The following PDE4D variants were observed in gnomAD, a reference collection of about 807,000 sequenced individuals.
PDE4D encodes the protein phosphodiesterase 4D.
Under a neutral mutation model 87.4 loss-of-function variants are expected in PDE4D, and 24 were observed. That is an observed-to-expected ratio of 0.27 (90% CI 0.20 to 0.39). The LOEUF (loss-of-function observed/expected upper bound fraction) is 0.39. Ranked by LOEUF, PDE4D falls within the 10% of genes least tolerant of loss-of-function variation. The pLI, the probability that PDE4D is intolerant of heterozygous loss-of-function variation, is 1.00. For missense variants in PDE4D, 714 were observed against 1,041.0 expected, an observed-to-expected ratio of 0.69 and a Z score of 4.32; for synonymous variants, 384 against 383.2, an observed-to-expected ratio of 1.00 and a Z score of -0.02.
chr5:59,513,621 T>C (rs1810640692), intron 1 of PDE4D, among the ~76,000 whole-genome samples: 2 of 152,238 alleles, frequency 1.3e-5, no homozygotes, highest in East Asian at 1.9e-4. Context: ...TGTACCCTAA[T>C]ATCTACGTAG....
chr5:60,363,953 A>G (rs1204174977), intron 1 of PDE4D, among the ~76,000 whole-genome samples: 1 of 152,210 alleles, frequency 6.6e-6, no homozygotes, highest in Non-Finnish European at 1.5e-5. Flanking sequence ...ATAAAATCCA[A>G]GATCTTTACC....
intron 1 of PDE4D, among the ~76,000 whole-genome samples, chr5:59,557,633 T>C (rs913915046): frequency 1.3e-5 from 2 of 152,218 alleles, no homozygotes; most frequent in Non-Finnish European, 2.9e-5. Context: ...ATATAAGCAG[T>C]TCACACTAAC....
At chr5:59,234,899 G>T (rs1451104060) in intron 1 of PDE4D, among the ~76,000 whole-genome samples, 1 of 151,352 alleles carries the variant, frequency 6.6e-6, no homozygotes, top group Non-Finnish European at 1.5e-5. Context: ...CTCAAATCGA[G>T]TTTTTTTTTA....
At chr5:59,355,650 G>T (rs1449545831) in intron 1 of PDE4D, among the ~76,000 whole-genome samples, 1 of 151,864 alleles carries the variant, frequency 6.6e-6, no homozygotes, top group African/African-American at 2.4e-5. Context: ...AAAATAAATG[G>T]AGTTAATACC....
intron 1 of PDE4D, among the ~76,000 whole-genome samples, chr5:60,213,350 A>G (rs1743470852): frequency 6.6e-6 from 1 of 152,150 alleles, no homozygotes; most frequent in African/African-American, 2.4e-5. Context: ...GGAGTCACTG[A>G]CACCATGGTG....
Position 59,671,810 on chromosome 5 carries a change from GA to G in PDE4D, c.455+221357del, listed in dbSNP as rs113705465. Among the ~76,000 whole-genome samples the G allele has an allele frequency of 9.4e-3, 1,147 of 121,502 alleles. 1 individual carries two copies. Among genetic ancestry groups the G allele is most frequent in the African/African-American group, 0.024 (783 of 33,078 alleles). 79.7% of individuals were successfully genotyped at this position (121,502 alleles called of 152,430 possible). A position where few individuals can be genotyped will look rare whatever the true frequency, so the allele number is the denominator to read the frequency against. On this transcript the variant is annotated intron_variant, in intron 1 of 14. Coordinates refer to ENST00000340635, the MANE Select transcript of PDE4D (RefSeq NM_001104631.2). ...TGACAAAGGGAGACCCTGTCTCAAGGAAAAAAAAAAAAAAAGTAAAGAAATA... is the reference window on the plus strand; with the variant it reads ...TGACAAAGGGAGACCCTGTCTCAAGGAAAAAAAAAAAAAAGTAAAGAAATA...
intron 1 of PDE4D, among the ~76,000 whole-genome samples, chr5:59,725,331 C>A (rs1211650115): frequency 6.6e-6 from 1 of 152,050 alleles, no homozygotes. Flanking sequence ...AGCACTGGGT[C>A]CATATTTCTA....
chr5:59,962,237 G>GA, intron 3 of PDE4D, among the ~76,000 whole-genome samples: 1 of 152,182 alleles, frequency 6.6e-6, no homozygotes, highest in South Asian at 2.1e-4. Context: ...AAGAGAAAGA[G>GA]ATAAATTTCA....
chr5:60,021,776 G>T (rs906148835), intron 2 of PDE4D: 1 of 152,184 alleles, frequency 6.6e-6, no homozygotes, highest in Admixed American at 6.5e-5. Flanking sequence ...GAGAAAGCAG[G>T]AGCAGACCCT....
chr5:60,357,481 T>C (rs1164635966), intron 1 of PDE4D, among the ~76,000 whole-genome samples: 1 of 152,236 alleles, frequency 6.6e-6, no homozygotes, highest in Non-Finnish European at 1.5e-5. Flanking sequence ...TTCAACTTTC[T>C]ATTAGCTACA....
At chr5:59,690,459 G>C (rs1232005098) in intron 1 of PDE4D, among the ~76,000 whole-genome samples, 2 of 152,154 alleles carry the variant, frequency 1.3e-5, no homozygotes, top group African/African-American at 4.8e-5. Flanking sequence ...ACAACAATAA[G>C]AAATGGGGAA....
At chr5:59,411,904 A>G (rs1792753527) in intron 1 of PDE4D, among the ~76,000 whole-genome samples, 1 of 152,226 alleles carries the variant, frequency 6.6e-6, no homozygotes, top group South Asian at 2.1e-4. Flanking sequence ...ATCTATCTAA[A>G]TGAACACTGC....
At chr5:59,520,374 C>A (rs1390741634) in intron 1 of PDE4D, among the ~76,000 whole-genome samples, 2 of 152,144 alleles carry the variant, frequency 1.3e-5, no homozygotes, top group Non-Finnish European at 2.9e-5. Flanking sequence ...ATCTGTAAAC[C>A]TTACTGACCA....
chr5:60,346,551 T>C (rs1758760985), intron 1 of PDE4D, among the ~76,000 whole-genome samples: 2 of 152,182 alleles, frequency 1.3e-5, no homozygotes, highest in South Asian at 4.1e-4. Context: ...CAGTCTAATA[T>C]TCATGGTTGT....
chr5:59,161,788 A>G (rs1781143554), intron 5 of PDE4D, among the ~76,000 whole-genome samples: 2 of 152,170 alleles, frequency 1.3e-5, no homozygotes, highest in African/African-American at 2.4e-5. Context: ...CTTAAGAACT[A>G]TTTTCCAGTT....
upstream of PDE4D, among the ~76,000 whole-genome samples, chr5:60,488,678 T>G (rs1243729387): frequency 1.3e-5 from 2 of 152,074 alleles, no homozygotes; most frequent in African/African-American, 2.4e-5. Context: ...CCTTTGCAGA[T>G]GGGTAGGCTT....
At chr5:60,059,227 G>A (rs189369993) in intron 2 of PDE4D, among the ~76,000 whole-genome samples, 1 of 151,968 alleles carries the variant, frequency 6.6e-6, no homozygotes, top group Non-Finnish European at 1.5e-5. Flanking sequence ...GTTGGCAGCT[G>A]TCTGTGATCT....
chr5:59,367,277 A>G (rs1387953634), intron 1 of PDE4D, among the ~76,000 whole-genome samples: 1 of 152,246 alleles, frequency 6.6e-6, no homozygotes, highest in African/African-American at 2.4e-5. Context: ...ACTAAGTAGA[A>G]TCTAATTACT....
chr5:59,327,249 C>A (rs1301841737), intron 1 of PDE4D, among the ~76,000 whole-genome samples: 2 of 151,332 alleles, frequency 1.3e-5, no homozygotes, highest in Non-Finnish European at 2.9e-5. Flanking sequence ...AACTCAAGTG[C>A]CCATATAACT....
Sources: allele counts gnomAD v4.1 joint callset (sites outside exome capture counted in the v4.1 genomes callset), GRCh38; gene constraint gnomAD v4.1.1; transcripts MANE v1.5; gene names NCBI Gene and HGNC (gene_info 2026-07-23, HGNC 2026-07-21).